Variants in SGCZ observed in about 807,000 individuals in gnomAD.
SGCZ encodes sarcoglycan zeta.
SGCZ carries 40 observed loss-of-function variants against 41.3 expected under a neutral mutation model. That is an observed-to-expected ratio of 0.97 (90% CI 0.75 to 1.26). SGCZ has a LOEUF of 1.26. SGCZ is among the 50% of genes most tolerant of loss of function. The pLI is 0.00. For missense variants in SGCZ, 552 were observed against 369.8 expected (o/e 1.49, Z -4.04); for synonymous variants, 206 against 137.5 (o/e 1.50, Z -3.49).
intron 1 of SGCZ, among the ~76,000 whole-genome samples, chr8:15,175,571 C>T (rs1442944600): frequency 1.3e-5 from 2 of 151,992 alleles, no homozygotes. Flanking sequence ...GCATCAGGAA[C>T]AGCAACTAAT....
At chr8:14,468,324 T>C (rs1342244685) in intron 2 of SGCZ, among the ~76,000 whole-genome samples, 1 of 152,092 alleles carries the variant, frequency 6.6e-6, no homozygotes, top group Non-Finnish European at 1.5e-5. Flanking sequence ...ATGACTACCC[T>C]TATCTTTAGA....
At chr8:14,235,973 G>C (rs1209182366) in intron 4 of SGCZ, among the ~76,000 whole-genome samples, 1 of 152,108 alleles carries the variant, frequency 6.6e-6, no homozygotes, top group Non-Finnish European at 1.5e-5. Flanking sequence ...ATGAGCTCCC[G>C]TGCCTGACCC....
chr8:14,586,620 T>C (rs895451583), intron 1 of SGCZ, among the ~76,000 whole-genome samples: 3 of 152,148 alleles, frequency 2.0e-5, no homozygotes, highest in Non-Finnish European at 4.4e-5. Context: ...AAATGCAAAG[T>C]GATGCAAAGT....
At chr8:14,515,123 G>A (rs1802583527) in intron 2 of SGCZ, among the ~76,000 whole-genome samples, 1 of 151,840 alleles carries the variant, frequency 6.6e-6, no homozygotes, top group Non-Finnish European at 1.5e-5. Flanking sequence ...CCAGCTCTAG[G>A]TTAAGACACC....
intron 2 of SGCZ, among the ~76,000 whole-genome samples, chr8:14,367,882 T>C (rs1803769268): frequency 6.6e-6 from 1 of 152,054 alleles, no homozygotes; most frequent in Non-Finnish European, 1.5e-5. Context: ...CACTTAATAA[T>C]GCTTGCCCAC....
chr8:14,340,651 T>C (rs1158962878), intron 2 of SGCZ, among the ~76,000 whole-genome samples: 1 of 152,138 alleles, frequency 6.6e-6, no homozygotes, highest in Non-Finnish European at 1.5e-5. Context: ...CAAAAGTAAC[T>C]AGAGAGCCTA....
chr8:14,438,071 C>T (rs985070065), intron 2 of SGCZ, among the ~76,000 whole-genome samples: 48 of 151,714 alleles, frequency 3.2e-4, no homozygotes, highest in Non-Finnish European at 5.6e-4. Context: ...ATAAATCTTT[C>T]CTATCATATA....
chr8:14,661,687 T>C (rs1807755719), intron 1 of SGCZ, among the ~76,000 whole-genome samples: 1 of 152,160 alleles, frequency 6.6e-6, no homozygotes, highest in Non-Finnish European at 1.5e-5. Context: ...GTATTTCACA[T>C]CTTGGAGTCT....
intron 1 of SGCZ, among the ~76,000 whole-genome samples, chr8:14,686,261 T>C (rs1056325548): frequency 5.9e-5 from 9 of 152,114 alleles, no homozygotes; most frequent in African/African-American, 1.9e-4. Context: ...GATATCCAAA[T>C]GAATAATTGC....
In SGCZ at chr8:14,142,139, G is replaced by A. The variant is rs1453213190; in HGVS notation, c.547+22441C>T. On this transcript the variant is annotated intron_variant, in intron 5 of 7. Transcript: ENST00000382080. ...CAATGAGAGCACTTGGACACAGGGT[G>A]GGGAACATCACACACCAGGGCCTGT... Among the ~76,000 whole-genome samples, 4 of 152,214 alleles carry A rather than the reference G, an allele frequency of 2.6e-5. No individual in the cohort carries two copies. The East Asian group carries it at 7.8e-4, about 30-fold the overall frequency.
intron 1 of SGCZ, among the ~76,000 whole-genome samples, chr8:15,054,561 T>C (rs1804634252): frequency 6.6e-6 from 1 of 152,160 alleles, no homozygotes; most frequent in Non-Finnish European, 1.5e-5. Context: ...CCGTAGTATA[T>C]AACAGTTTAA....
intron 1 of SGCZ, among the ~76,000 whole-genome samples, chr8:14,850,376 T>C (rs966491387): frequency 6.6e-6 from 1 of 152,064 alleles, no homozygotes; most frequent in African/African-American, 2.4e-5. Flanking sequence ...GCATACAGTA[T>C]TGCATACACA....
chr8:14,728,442 C>G (rs569635933), intron 1 of SGCZ, among the ~76,000 whole-genome samples: 1 of 149,084 alleles, frequency 6.7e-6, no homozygotes, highest in African/African-American at 2.5e-5. Flanking sequence ...ACAAAAATAT[C>G]TTTGACAATG....
chr8:14,568,054 T>C (rs1391366852), intron 1 of SGCZ, among the ~76,000 whole-genome samples: 1 of 149,000 alleles, frequency 6.7e-6, no homozygotes, highest in Non-Finnish European at 1.5e-5. Flanking sequence ...CCTTTCAGTG[T>C]TGGTATTAAG....
chr8:15,206,782 T>A (rs1801082694), intron 1 of SGCZ, among the ~76,000 whole-genome samples: 1 of 152,094 alleles, frequency 6.6e-6, no homozygotes, highest in Non-Finnish European at 1.5e-5. Context: ...AAGAGATTTT[T>A]TTTTTCTATT....
chr8:14,220,093 G>C (rs775557103), intron 4 of SGCZ, among the ~76,000 whole-genome samples: 2 of 152,134 alleles, frequency 1.3e-5, no homozygotes, highest in African/African-American at 2.4e-5. Context: ...CAACCTAATA[G>C]ATCGGTGCTT....
At chr8:14,213,569 A>G (rs1181047626) in intron 4 of SGCZ, among the ~76,000 whole-genome samples, 1 of 152,114 alleles carries the variant, frequency 6.6e-6, no homozygotes, top group Non-Finnish European at 1.5e-5. Context: ...TTCCAAACAG[A>G]TAAGCTATGC....
chr8:14,509,107 T>A (rs1453683727), intron 2 of SGCZ, among the ~76,000 whole-genome samples: 1 of 152,094 alleles, frequency 6.6e-6, no homozygotes, highest in East Asian at 1.9e-4. Flanking sequence ...CTTTATGTAT[T>A]AAACAAAAAC....
chr8:14,600,967 T>C (rs1432324372), intron 1 of SGCZ, among the ~76,000 whole-genome samples: 1 of 151,324 alleles, frequency 6.6e-6, no homozygotes, highest in Non-Finnish European at 1.5e-5. Flanking sequence ...TTTCCATACA[T>C]TTCCTTATAC....
Sources: allele counts gnomAD v4.1 joint callset (sites outside exome capture counted in the v4.1 genomes callset), GRCh38; gene constraint gnomAD v4.1.1; transcripts MANE v1.5; gene names NCBI Gene and HGNC (gene_info 2026-07-23, HGNC 2026-07-21).